The following THEMIS variants were observed in gnomAD, a reference collection of about 807,000 sequenced individuals.
THEMIS encodes the protein protein THEMIS.
A neutral mutation model predicts 52.6 loss-of-function variants in THEMIS; 37 were observed. The observed-to-expected ratio is 0.70, with a 90% CI of 0.54 to 0.93. The LOEUF (loss-of-function observed/expected upper bound fraction) is 0.93. THEMIS is among the 40% of genes least tolerant of loss of function. The probability of loss-of-function intolerance (pLI) is 0.00; values close to 1 mark genes in which losing one functional copy is unlikely to be tolerated. For synonymous variants in THEMIS, 292 were observed against 272.7 expected (o/e 1.07, Z -0.70); for missense variants, 808 against 763.1 (o/e 1.06, Z -0.69).
At chr6:127,731,985 C>T (rs1160706464) in intron 4 of THEMIS, among the ~76,000 whole-genome samples, 1 of 146,844 alleles carries the variant, frequency 6.8e-6, no homozygotes, top group Non-Finnish European at 1.5e-5. Context: ...GGGTTACAAG[C>T]GTGAGCCACC....
At position 127,825,995 on chromosome 6, in the gene THEMIS, G is replaced by C. The variant is rs1053145158; in HGVS notation, c.709+3481C>G. ...ACAATAATGAAAATATTAATGCTTAGCCATAACTTATAATATACTGAGAAT... is the reference window on the plus strand; with the variant it reads ...ACAATAATGAAAATATTAATGCTTACCCATAACTTATAATATACTGAGAAT... On this transcript the variant is annotated intron_variant, in intron 3 of 5. Coordinates refer to ENST00000368248, the MANE Select transcript of THEMIS (RefSeq NM_001010923.3). Among the ~76,000 whole-genome samples, 12 of 152,274 alleles carry C rather than the reference G, an allele frequency of 7.9e-5. 1 individual carries two copies. In the East Asian group the frequency reaches 1.9e-3, roughly 24 times the overall value.
At chr6:127,742,587 TAAAAA>T (rs1421225764) in intron 4 of THEMIS, among the ~76,000 whole-genome samples, 1 of 152,000 alleles carries the variant, frequency 6.6e-6, no homozygotes, top group African/African-American at 2.4e-5. Context: ...TATTCAGACT[TAAAAA>T]GGAAAGTAAT....
intron 2 of THEMIS, among the ~76,000 whole-genome samples, chr6:127,851,648 C>A (rs940401715): frequency 2.0e-5 from 3 of 151,662 alleles, no homozygotes; most frequent in Non-Finnish European, 3.0e-5. Context: ...ATACCATAGG[C>A]GTCTACTTAT....
chr6:127,756,079 A>C (rs750639101), intron 4 of THEMIS, among the ~76,000 whole-genome samples: 7 of 152,032 alleles, frequency 4.6e-5, no homozygotes, highest in Middle Eastern at 3.2e-3. Flanking sequence ...CCCAAAACCA[A>C]AAAACCCAGA....
intron 4 of THEMIS, among the ~76,000 whole-genome samples, chr6:127,783,238 T>G (rs1338195385): frequency 6.6e-6 from 1 of 152,052 alleles, no homozygotes; most frequent in Non-Finnish European, 1.5e-5. Flanking sequence ...AAAAATTAAC[T>G]CAACATGGAT....
In THEMIS at chr6:127,832,777, C is replaced by CTTTTTTTTTTTTTTTT. The variant is rs11355741; in HGVS notation, c.251-2859_251-2844dup. 2.5e-3 allele frequency among the ~76,000 whole-genome samples: 142 copies of CTTTTTTTTTTTTTTTT among 57,806 alleles called. 30 individuals are homozygous for CTTTTTTTTTTTTTTTT. The highest frequency in any genetic ancestry group is 5.6e-3 in the African/African-American group (73 of 13,098). The allele number at this position is 57,806 out of a possible 152,430, so 37.9% of individuals were successfully genotyped here. A position where few individuals can be genotyped will look rare whatever the true frequency, so the allele number is the denominator to read the frequency against. The stretch of plus-strand genomic sequence containing the variant: ...CTATTTCCACCTAGGATTGTCAGAT[C>CTTTTTTTTTTTTTTTT]TTTTTTTTTTTTTTTTTTTTTTTTG... On this transcript the variant is annotated intron_variant, in intron 2 of 5. Transcript: ENST00000368248.
At chr6:127,811,099 A>G (rs1777891225) in intron 4 of THEMIS, among the ~76,000 whole-genome samples, 1 of 152,176 alleles carries the variant, frequency 6.6e-6, no homozygotes. Context: ...TTTCCAGCAA[A>G]ACAGGTAGTG....
intron 2 of THEMIS, among the ~76,000 whole-genome samples, chr6:127,851,325 A>G (rs1248758055): frequency 6.6e-6 from 1 of 151,712 alleles, no homozygotes; most frequent in Admixed American, 6.6e-5. Context: ...AAACTCAAAG[A>G]TTCATGCCTA....
the THEMIS span, among the ~76,000 whole-genome samples, chr6:127,702,530 C>T: frequency 1.3e-5 from 2 of 152,006 alleles, no homozygotes; most frequent in Non-Finnish European, 2.9e-5. Context: ...ACCTCTTTTC[C>T]ACTGTCCTGT....
chr6:127,715,318 T>C (rs143965593), intron 5 of THEMIS, among the ~76,000 whole-genome samples: 3 of 152,070 alleles, frequency 2.0e-5, no homozygotes, highest in African/African-American at 7.2e-5. Context: ...TTAAAAATTA[T>C]ACGATATTTT....
At chr6:127,834,411 A>C (rs1175211147) in intron 2 of THEMIS, among the ~76,000 whole-genome samples, 1 of 116,292 alleles carries the variant, frequency 8.6e-6, no homozygotes, top group Non-Finnish European at 1.7e-5. Flanking sequence ...GTCTCCACTA[A>C]AAATACAAAA....
chr6:127,733,533 T>C (rs981595408), intron 4 of THEMIS, among the ~76,000 whole-genome samples: 3 of 152,194 alleles, frequency 2.0e-5, no homozygotes, highest in Non-Finnish European at 4.4e-5. Flanking sequence ...ACTCAGTCTC[T>C]GGAAAGTAAA....
chr6:127,906,345 C>T (rs190848557), intron 1 of THEMIS, among the ~76,000 whole-genome samples: 276 of 151,856 alleles, frequency 1.8e-3, no homozygotes, highest in Admixed American at 3.6e-3. Flanking sequence ...CAATAATATA[C>T]CTTCAAAATA....
At chr6:127,780,936 C>T (rs1776723083) in intron 4 of THEMIS, among the ~76,000 whole-genome samples, 1 of 152,032 alleles carries the variant, frequency 6.6e-6, no homozygotes, top group Non-Finnish European at 1.5e-5. Flanking sequence ...TGAATGTTGG[C>T]CTGTCTTGCT....
At chr6:127,850,355 A>T (rs1292409953) in intron 2 of THEMIS, among the ~76,000 whole-genome samples, 1 of 151,940 alleles carries the variant, frequency 6.6e-6, no homozygotes, top group Non-Finnish European at 1.5e-5. Flanking sequence ...AAATAACCAA[A>T]AGTAGAACAA....
chr6:127,736,002 G>T (rs566408451), intron 4 of THEMIS, among the ~76,000 whole-genome samples: 1 of 152,216 alleles, frequency 6.6e-6, no homozygotes, highest in Admixed American at 6.5e-5. Flanking sequence ...AGGATTTGCT[G>T]GTGGGCACTA....
chr6:127,813,908 G>C lies in THEMIS; in HGVS notation c.733C>G (p.Leu245Val). 6.3e-7 allele frequency: 1 copy of C among 1,576,320 alleles called. No homozygotes were observed. Among genetic ancestry groups the C allele is most frequent in the Non-Finnish European group, 8.6e-7 (1 of 1,166,094 alleles). The part of the protein sequence containing the change: ...MKFRKDIIRI[L>V]PSLDVEVKDI... Reference sequence around the variant, plus strand: ...TTGACTTCGACATCTAGACTGGGGAGGATGCGGATTATATCTTTTCGAACT... The same window carrying C: ...TTGACTTCGACATCTAGACTGGGGACGATGCGGATTATATCTTTTCGAACT... The change falls in exon 4 of 6, where the codon CTC becomes GTC. Residue 245 changes from leucine (L) to valine (V), a missense_variant. Leu to Val is a conservative substitution (Grantham distance 32, BLOSUM62 1). Transcript: ENST00000368248.
intron 1 of THEMIS, among the ~76,000 whole-genome samples, chr6:127,873,618 G>T (rs984699060): frequency 2.0e-5 from 3 of 152,148 alleles, no homozygotes; most frequent in Non-Finnish European, 4.4e-5. Context: ...CCTAGTACTG[G>T]TTACCCTTAA....
intron 4 of THEMIS, among the ~76,000 whole-genome samples, chr6:127,809,990 C>G (rs951652416): frequency 1.3e-5 from 2 of 151,326 alleles, no homozygotes; most frequent in Non-Finnish European, 2.9e-5. Flanking sequence ...GAATTGAACA[C>G]CAAGACTCCA....
Sources: allele counts gnomAD v4.1 joint callset (sites outside exome capture counted in the v4.1 genomes callset), GRCh38; gene constraint gnomAD v4.1.1; transcripts MANE v1.5; gene names NCBI Gene and HGNC (gene_info 2026-07-23, HGNC 2026-07-21).